Variants in PTPRD observed in about 807,000 individuals in gnomAD.
PTPRD encodes receptor-type tyrosine-protein phosphatase delta.
In PTPRD, 34 loss-of-function variants were observed where a neutral mutation model predicts 214.5. The observed-to-expected ratio is 0.16, with a 90% confidence interval of 0.12 to 0.21. PTPRD has a LOEUF of 0.21. Ranked by LOEUF, PTPRD falls within the 10% of genes least tolerant of loss-of-function variation. The pLI is 1.00. For synonymous variants in PTPRD, 1,128 were observed against 845.7 expected (o/e 1.33, Z -5.79); for missense variants, 2,545 against 2,398.7 (o/e 1.06, Z -1.27).
At chr9:9,204,700 A>G (rs2099943785) in intron 9 of PTPRD, among the ~76,000 whole-genome samples, 1 of 152,216 alleles carries the variant, frequency 6.6e-6, no homozygotes, top group South Asian at 2.1e-4. Flanking sequence ...TGCAACTGAA[A>G]AGAACATAAA....
chr9:10,608,429 A>T (rs2080063402), intron 2 of PTPRD, among the ~76,000 whole-genome samples: 1 of 151,940 alleles, frequency 6.6e-6, no homozygotes, highest in South Asian at 2.1e-4. Context: ...ATTCAATCTC[A>T]ATCTACGTAA....
At position 9,859,410 on chromosome 9, in the gene PTPRD, G is replaced by T. The variant is rs546189039; in HGVS notation, c.-368+79097C>A. ...GAGCCTAATGGAAAATAATGCCTTG[G>T]TCAACCAATAATTTGTCTTAGCTTT... On this transcript the variant is annotated intron_variant, in intron 5 of 45. Transcript: ENST00000381196. Among the ~76,000 whole-genome samples, 48 of 152,260 alleles carry T rather than the reference G, an allele frequency of 3.2e-4. 1 individual carries two copies. Among genetic ancestry groups the T allele is most frequent in the African/African-American group, 1.1e-3 (45 of 41,552 alleles).
At chr9:9,718,113 T>C (rs2097864676) in intron 7 of PTPRD, among the ~76,000 whole-genome samples, 1 of 152,198 alleles carries the variant, frequency 6.6e-6, no homozygotes, top group Admixed American at 6.5e-5. Flanking sequence ...CAAATATCCT[T>C]CTTTAGTTTA....
intron 7 of PTPRD, among the ~76,000 whole-genome samples, chr9:9,651,090 C>T (rs368187486): frequency 6.6e-6 from 1 of 152,192 alleles, no homozygotes; most frequent in Non-Finnish European, 1.5e-5. Flanking sequence ...CCCATGGTTA[C>T]TCTTCTAATA....
chr9:8,596,453 G>A (rs938393096), intron 14 of PTPRD, among the ~76,000 whole-genome samples: 1 of 151,916 alleles, frequency 6.6e-6, no homozygotes, highest in Non-Finnish European at 1.5e-5. Flanking sequence ...TTGAGTTCAT[G>A]GTTCTATTTA....
At chr9:10,066,939 G>A (rs2097897443) in intron 3 of PTPRD, among the ~76,000 whole-genome samples, 1 of 150,930 alleles carries the variant, frequency 6.6e-6, no homozygotes, top group Non-Finnish European at 1.5e-5. Context: ...CTGTTGCTTT[G>A]ATGTAAGAGT....
chr9:9,577,373 C>T (rs564506769), intron 7 of PTPRD, among the ~76,000 whole-genome samples: 3 of 151,718 alleles, frequency 2.0e-5, no homozygotes, highest in East Asian at 2.0e-4. Context: ...AGACCAGCCT[C>T]GGCAACATGG....
At chr9:8,934,794 C>T (rs1397988256) in intron 11 of PTPRD, among the ~76,000 whole-genome samples, 1 of 151,606 alleles carries the variant, frequency 6.6e-6, no homozygotes, top group African/African-American at 2.4e-5. Context: ...CCCCTGGCAA[C>T]CACCATCGTA....
intron 12 of PTPRD, among the ~76,000 whole-genome samples, chr9:8,712,795 T>G (rs1428234603): frequency 6.6e-6 from 1 of 152,182 alleles, no homozygotes; most frequent in Non-Finnish European, 1.5e-5. Context: ...CTTGGCTCAC[T>G]GCAACCTCCG....
intron 2 of PTPRD, among the ~76,000 whole-genome samples, chr9:10,341,321 G>C (rs945206420): frequency 4.6e-5 from 7 of 151,782 alleles, no homozygotes; most frequent in African/African-American, 1.7e-4. Context: ...ATTACCTAAA[G>C]AAAAATAGCC....
At chr9:8,945,124 T>C (rs1480668592) in intron 11 of PTPRD, among the ~76,000 whole-genome samples, 1 of 152,034 alleles carries the variant, frequency 6.6e-6, no homozygotes, top group Non-Finnish European at 1.5e-5. Context: ...GGGAAACAAT[T>C]TACTTTGCTA....
chr9:10,289,482 A>C (rs1460457217), intron 3 of PTPRD, among the ~76,000 whole-genome samples: 5 of 152,124 alleles, frequency 3.3e-5, no homozygotes. Flanking sequence ...TCCCCCAAAC[A>C]CCTACAATCA....
At chr9:9,859,750 T>G (rs13284005) in intron 5 of PTPRD, among the ~76,000 whole-genome samples, 8,732 of 152,244 alleles carry the variant, frequency 0.057, 374 homozygotes, top group Non-Finnish European at 0.085. Flanking sequence ...GTCTTCAAGT[T>G]TCAAGGTCAG....
intron 4 of PTPRD, among the ~76,000 whole-genome samples, chr9:10,026,736 T>C (rs1305845029): frequency 6.6e-6 from 1 of 152,128 alleles, no homozygotes; most frequent in East Asian, 1.9e-4. Context: ...TTATGTATCA[T>C]GACTTTGACA....
intron 5 of PTPRD, among the ~76,000 whole-genome samples, chr9:9,843,309 T>C (rs1018285916): frequency 1.3e-5 from 2 of 152,046 alleles, no homozygotes; most frequent in African/African-American, 4.8e-5. Flanking sequence ...TGTTACACCT[T>C]GAAATTTTCT....
In PTPRD at chr9:8,411,007, A is replaced by G. The variant is rs191266442; in HGVS notation, c.4087-6347T>C. 3.6e-3 allele frequency among the ~76,000 whole-genome samples: 553 copies of G among 152,176 alleles called. 2 individuals carry two copies. Among genetic ancestry groups the G allele is most frequent in the African/African-American group, 0.013 (531 of 41,570 alleles). On this transcript the variant is annotated intron_variant, in intron 35 of 45. Transcript: ENST00000381196. ...ATTAGTTTATTTCACTGAGGAAACC[A>G]TTGATTCCCAGAAGTATATTAGAAT...
At chr9:8,833,529 T>C (rs2097341679) in intron 11 of PTPRD, among the ~76,000 whole-genome samples, 1 of 128,764 alleles carries the variant, frequency 7.8e-6, no homozygotes, top group Non-Finnish European at 1.6e-5. Flanking sequence ...TTTCCAATTT[T>C]CTTTTTTTCA....
chr9:9,214,206 CA>C (rs1000851975), intron 9 of PTPRD, among the ~76,000 whole-genome samples: 11 of 152,200 alleles, frequency 7.2e-5, no homozygotes, highest in Admixed American at 7.2e-4. Flanking sequence ...GTCAAAAACA[CA>C]GCTGTTGCGT....
chr9:9,256,113 C>A (rs2099977593), intron 9 of PTPRD, among the ~76,000 whole-genome samples: 1 of 151,972 alleles, frequency 6.6e-6, no homozygotes, highest in South Asian at 2.1e-4. Context: ...AAAACTAGGT[C>A]TGGAGAAGAA....
Sources: gnomAD v4.1 joint callset for allele counts (sites outside exome capture counted in the v4.1 genomes callset) on GRCh38, gnomAD v4.1.1 for gene constraint, MANE v1.5 for transcripts, NCBI Gene and HGNC (gene_info 2026-07-23, HGNC 2026-07-21) for gene names.